Variants in GPC6 observed in about 807,000 individuals in gnomAD.
The protein encoded by GPC6 is glypican-6.
Under a neutral mutation model 55.2 loss-of-function variants are expected in GPC6, and 14 were observed. That is an observed-to-expected ratio of 0.25 (90% CI 0.17 to 0.40). The LOEUF is 0.40. GPC6 is among the 10% of genes least tolerant of loss of function. GPC6 has a pLI of 1.00. For synonymous variants in GPC6, 278 were observed against 259.6 expected (o/e 1.07, Z -0.68); for missense variants, 641 against 708.5 (o/e 0.90, Z 1.08).
intron 1 of GPC6, among the ~76,000 whole-genome samples, chr13:93,350,366 G>A (rs762712718): frequency 7.9e-5 from 12 of 152,184 alleles, no homozygotes; most frequent in East Asian, 1.9e-4. Context: ...CCCAGGAGGC[G>A]GAGGTTGCAG....
intron 2 of GPC6, among the ~76,000 whole-genome samples, chr13:93,692,413 C>A (rs574926096): frequency 6.6e-6 from 1 of 152,118 alleles, no homozygotes; most frequent in Non-Finnish European, 1.5e-5. Flanking sequence ...TTTATTAAGT[C>A]ATATAATTGT....
intron 3 of GPC6, among the ~76,000 whole-genome samples, chr13:93,835,594 A>G (rs968616289): frequency 3.3e-5 from 5 of 152,092 alleles, no homozygotes; most frequent in Non-Finnish European, 7.4e-5. Context: ...CTCTACTAAA[A>G]ATACAAAATT....
At chr13:93,896,329 T>A (rs1336181180) in intron 3 of GPC6, among the ~76,000 whole-genome samples, 3 of 152,034 alleles carry the variant, frequency 2.0e-5, no homozygotes, top group African/African-American at 7.2e-5. Context: ...ACAGACGTTT[T>A]TTCACCTCTA....
chr13:94,017,513 A>G (rs79090997), intron 3 of GPC6, among the ~76,000 whole-genome samples: 3,548 of 152,244 alleles, frequency 0.023, 101 homozygotes, highest in South Asian at 0.068. Context: ...CCATGAGAAC[A>G]GTATGGGGAA....
intron 4 of GPC6, among the ~76,000 whole-genome samples, chr13:94,115,679 C>T (rs1439991904): frequency 6.6e-6 from 1 of 152,058 alleles, no homozygotes; most frequent in African/African-American, 2.4e-5. Context: ...AAATTCCTGG[C>T]CCAGTAACTG....
chr13:94,099,975 G>C lies in GPC6; in HGVS notation c.877+72081G>C, dbSNP rs577712196. Among the ~76,000 whole-genome samples the C allele has an allele frequency of 5.3e-5, 8 of 152,218 alleles. No homozygotes were observed. In the South Asian group the frequency reaches 1.7e-3, roughly 32 times the overall value. ...GCAGATACTTGAGGGTAGAGGGTGG[G>C]AGGAGGGAGAGGAGCAGGAAAGATA... On this transcript the variant is annotated intron_variant, in intron 4 of 8. Coordinates refer to ENST00000377047, the MANE Select transcript of GPC6 (RefSeq NM_005708.5).
rs762753048 is a variant in GPC6, at chr13:93,227,539, G to C, written c.83G>C (p.Arg28Pro). The stretch of plus-strand genomic sequence containing the variant: ...CCCGCCGGGGCGGATGTGAAGGCTC[G>C]GAGCTGCGGAGAGGTCCGCCAGGCG... ...SLPAGADVKARSCGEVRQAYG... is the reference protein window; with the variant it reads ...SLPAGADVKAPSCGEVRQAYG... Residue 28 changes from arginine to proline, a missense_variant, in exon 1 of 9, where the codon CGG becomes CCG. Physicochemically the swap from Arg to Pro is moderately radical, Grantham distance 103. Coordinates refer to ENST00000377047, the MANE Select transcript of GPC6 (RefSeq NM_005708.5). This position sits in a 1 kb window ranked among gnomAD's most constrained non-coding sequence, Gnocchi z 4.3. 6 of 1,613,454 alleles carry C rather than the reference G, an allele frequency of 3.7e-6. No homozygotes were observed. In the Admixed American group the frequency reaches 1.0e-4, roughly 27 times the overall value.
intron 5 of GPC6, among the ~76,000 whole-genome samples, chr13:94,292,218 G>A (rs1240851860): frequency 1.3e-5 from 2 of 151,824 alleles, no homozygotes; most frequent in Non-Finnish European, 2.9e-5. Flanking sequence ...AAGGGTAGAA[G>A]AGCATCTGAT....
Position 94,050,389 on chromosome 13 carries a change from G to T in GPC6, c.877+22495G>T, listed in dbSNP as rs536079252. 1.1e-4 allele frequency among the ~76,000 whole-genome samples: 17 copies of T among 152,222 alleles called. No homozygotes were observed. The South Asian group carries it at 3.5e-3, about 32-fold the overall frequency. On this transcript the variant is annotated intron_variant, in intron 4 of 8. Coordinates refer to ENST00000377047, the MANE Select transcript of GPC6 (RefSeq NM_005708.5). The stretch of plus-strand genomic sequence containing the variant: ...AATTGTGAGAGCGTGGGTGTGTTTT[G>T]AAAACTCTATCGTGCTTCCCATGAT...
intron 2 of GPC6, among the ~76,000 whole-genome samples, chr13:93,718,313 T>A (rs553260721): frequency 2.0e-5 from 3 of 152,230 alleles, no homozygotes; most frequent in African/African-American, 7.2e-5. Context: ...CTAATGGACA[T>A]GAGATGATAT....
chr13:93,719,198 A>T (rs1883359585), intron 2 of GPC6, among the ~76,000 whole-genome samples: 1 of 151,834 alleles, frequency 6.6e-6, no homozygotes, highest in Admixed American at 6.6e-5. Context: ...TTCACGATTG[A>T]TTCTTCCTAT....
intron 3 of GPC6, among the ~76,000 whole-genome samples, chr13:93,923,975 T>G (rs541133224): frequency 6.6e-6 from 1 of 151,998 alleles, no homozygotes; most frequent in Non-Finnish European, 1.5e-5. Context: ...ATGGAATGGA[T>G]GTGGAATGGA....
chr13:94,072,574 G>C (rs1400726006), intron 4 of GPC6, among the ~76,000 whole-genome samples: 1 of 152,172 alleles, frequency 6.6e-6, no homozygotes, highest in African/African-American at 2.4e-5. Context: ...GAATGGTCTT[G>C]ATCTCCTGAC....
chr13:94,026,430 C>T (rs528568579), intron 3 of GPC6, among the ~76,000 whole-genome samples: 40 of 151,786 alleles, frequency 2.6e-4, no homozygotes, highest in African/African-American at 9.2e-4. Context: ...CTCAAGTCCA[C>T]CACTCTCCAA....
intron 4 of GPC6, among the ~76,000 whole-genome samples, chr13:94,081,843 C>CCTTTTTTTTTTTTT (rs1885106825): frequency 8.6e-6 from 1 of 116,812 alleles, no homozygotes; most frequent in African/African-American, 3.2e-5. Context: ...CTACTACTTT[C>CCTTTTTTTTTTTTT]CTTTTTTTTT....
intron 3 of GPC6, among the ~76,000 whole-genome samples, chr13:93,995,331 G>A (rs151234537): frequency 2.0e-5 from 3 of 151,934 alleles, no homozygotes; most frequent in African/African-American, 7.3e-5. Context: ...GGGATTGCAG[G>A]TGTGCACCAC....
chr13:94,306,257 A>C (rs1293284805), intron 6 of GPC6, 134 bp downstream of exon 6: 1 of 862,940 alleles, frequency 1.2e-6, no homozygotes, highest in Admixed American at 2.0e-5. Flanking sequence ...GTTCTTAATT[A>C]GAATATTGAA....
At chr13:93,641,046 C>A (rs1353638139) in intron 2 of GPC6, among the ~76,000 whole-genome samples, 1 of 151,992 alleles carries the variant, frequency 6.6e-6, no homozygotes, top group Non-Finnish European at 1.5e-5. Context: ...TAGAATGCAA[C>A]TTTATGAGGT....
intron 1 of GPC6, among the ~76,000 whole-genome samples, chr13:93,412,658 A>AAAAC (rs201900399): frequency 3.1e-3 from 478 of 152,302 alleles, no homozygotes; most frequent in Non-Finnish European, 5.4e-3. Context: ...CTCCATCTCA[A>AAAAC]AAACAAACAA....
Sources: allele counts gnomAD v4.1 joint callset (sites outside exome capture counted in the v4.1 genomes callset), GRCh38; gene constraint gnomAD v4.1.1; non-coding constraint Gnocchi (gnomAD v3.1); transcripts MANE v1.5; gene names NCBI Gene and HGNC (gene_info 2026-07-23, HGNC 2026-07-21).